The following SPMIP2 variants were observed in gnomAD, a reference collection of about 807,000 sequenced individuals.
SPMIP2 encodes the protein protein SPMIP2.
At chr4:158,972,953 A>T in the SPMIP2 span, 1 of 671,008 alleles carries the variant, frequency 1.5e-6, no homozygotes, top group Non-Finnish European at 2.5e-6. Flanking sequence ...GTCTTTCTGC[A>T]AAACTCAAAC....
At chr4:159,067,054 A>G in the SPMIP2 span, among the ~76,000 whole-genome samples, 5 of 152,226 alleles carry the variant, frequency 3.3e-5, no homozygotes, top group Non-Finnish European at 7.3e-5. Flanking sequence ...TTCTGAATAT[A>G]AAGCATACAA....
At chr4:158,963,843 G>A in the SPMIP2 span, among the ~76,000 whole-genome samples, 5 of 152,136 alleles carry the variant, frequency 3.3e-5, no homozygotes, top group Non-Finnish European at 7.4e-5. Context: ...ACAGGAGGGA[G>A]ACTCTCCACA....
the SPMIP2 span, among the ~76,000 whole-genome samples, chr4:159,031,181 G>A: frequency 1.1e-4 from 16 of 152,302 alleles, no homozygotes; most frequent in Middle Eastern, 0.014. Flanking sequence ...GGTTAGAAAG[G>A]TGGTAAGTGA....
chr4:158,942,541 G>A, the SPMIP2 span, among the ~76,000 whole-genome samples: 12 of 152,188 alleles, frequency 7.9e-5, no homozygotes, highest in Admixed American at 3.9e-4. Flanking sequence ...GGCCAAGGCA[G>A]GCGGATCACT....
At chr4:158,911,819 T>A in the SPMIP2 span, among the ~76,000 whole-genome samples, 4 of 152,178 alleles carry the variant, frequency 2.6e-5, 1 homozygote, top group South Asian at 8.3e-4. Flanking sequence ...GAAAAGAATG[T>A]ATCAGTCACT....
At chr4:158,940,547 C>T in the SPMIP2 span, among the ~76,000 whole-genome samples, 2 of 122,042 alleles carry the variant, frequency 1.6e-5, no homozygotes, top group African/African-American at 2.9e-5. Context: ...TGTCCTAATT[C>T]TGTTGTTCCT....
the SPMIP2 span, among the ~76,000 whole-genome samples, chr4:158,965,450 G>C: frequency 6.6e-6 from 1 of 152,130 alleles, no homozygotes; most frequent in Non-Finnish European, 1.5e-5. Context: ...GCTCAGTGCA[G>C]AGTTTCTGAA....
the SPMIP2 span, among the ~76,000 whole-genome samples, chr4:159,032,636 G>A: frequency 0.016 from 2,509 of 152,114 alleles, 171 homozygotes; most frequent in East Asian, 0.22. Flanking sequence ...AACTGGCTAA[G>A]GAAAAGAGGA....
At chr4:159,071,912 T>G in the SPMIP2 span, among the ~76,000 whole-genome samples, 2 of 152,236 alleles carry the variant, frequency 1.3e-5, no homozygotes, top group Admixed American at 6.5e-5. Flanking sequence ...TTAGTAGACC[T>G]GCAAGGTCCT....
At chr4:159,058,603 A>G in the SPMIP2 span, among the ~76,000 whole-genome samples, 2 of 152,224 alleles carry the variant, frequency 1.3e-5, no homozygotes, top group Admixed American at 6.5e-5. Flanking sequence ...AAATAAATAG[A>G]TAAGAGCTCT....
At chr4:159,058,994 G>A in the SPMIP2 span, among the ~76,000 whole-genome samples, 6 of 152,252 alleles carry the variant, frequency 3.9e-5, no homozygotes, top group South Asian at 4.1e-4. Flanking sequence ...TGCAAATGTC[G>A]TTGTGATAGG....
the SPMIP2 span, chr4:158,893,322 T>C: frequency 1.7e-5 from 3 of 179,550 alleles, no homozygotes; most frequent in Non-Finnish European, 3.5e-5. Flanking sequence ...AACCATGTAC[T>C]CTTTCAAAGC....
At chr4:159,028,062 C>T in the SPMIP2 span, among the ~76,000 whole-genome samples, 1 of 152,094 alleles carries the variant, frequency 6.6e-6, no homozygotes, top group Admixed American at 6.5e-5. Context: ...GGATGTAAGG[C>T]ACATAAATAC....
the SPMIP2 span, among the ~76,000 whole-genome samples, chr4:159,019,432 T>C: frequency 6.6e-6 from 1 of 152,148 alleles, no homozygotes; most frequent in Non-Finnish European, 1.5e-5. Flanking sequence ...CTGCATCTTT[T>C]CGTCTTTCTC....
chr4:158,905,953 A>G, the SPMIP2 span: 1 of 152,194 alleles, frequency 6.6e-6, no homozygotes, highest in African/African-American at 2.4e-5. Flanking sequence ...TGAACCTAAG[A>G]TTATGAAGTA....
the SPMIP2 span, among the ~76,000 whole-genome samples, chr4:159,080,132 A>C: frequency 2.0e-5 from 3 of 152,298 alleles, no homozygotes; most frequent in South Asian, 6.2e-4. Context: ...GACTGTACAG[A>C]CTTTTTCTCT....
the SPMIP2 span, among the ~76,000 whole-genome samples, chr4:158,980,606 G>C: frequency 6.6e-6 from 1 of 152,220 alleles, no homozygotes. Context: ...ACCCGCAGCA[G>C]AGAGGCCTGA....
the SPMIP2 span, among the ~76,000 whole-genome samples, chr4:159,072,598 G>A: frequency 6.6e-6 from 1 of 151,602 alleles, no homozygotes; most frequent in African/African-American, 2.4e-5. Flanking sequence ...GAGCAGCTCA[G>A]ATTACAGACA....
the SPMIP2 span, among the ~76,000 whole-genome samples, chr4:158,920,669 T>C: frequency 6.6e-6 from 1 of 152,230 alleles, no homozygotes; most frequent in Non-Finnish European, 1.5e-5. Context: ...CTGTTTTCTA[T>C]TGTTTAAGAT....
Sources: allele counts gnomAD v4.1 joint callset (sites outside exome capture counted in the v4.1 genomes callset), GRCh38; gene constraint gnomAD v4.1.1; transcripts MANE v1.5; gene names NCBI Gene and HGNC (gene_info 2026-07-23, HGNC 2026-07-21).